The following CASKIN2 variants were observed in gnomAD, a reference collection of about 807,000 sequenced individuals.
CASKIN2 encodes the protein CASK interacting protein 2, also known as caskin-2.
A neutral mutation model predicts 107.1 loss-of-function variants in CASKIN2; 41 were observed. The ratio of observed to expected loss-of-function variants is 0.38; its 90% CI spans 0.30 to 0.50. CASKIN2 has a LOEUF of 0.50. Among genes scored for constraint, CASKIN2 ranks in the 20% least tolerant of loss-of-function variants. CASKIN2 has a pLI of 0.92. For synonymous variants in CASKIN2, 724 were observed against 705.6 expected (o/e 1.03, Z -0.41); for missense variants, 1,546 against 1,657.4 (o/e 0.93, Z 1.17).
chr17:75,505,641 C>T lies in CASKIN2; in HGVS notation c.846G>A (p.Gly282=). The T allele has an allele frequency of 6.2e-7, 1 of 1,613,058 alleles. No individual in the cohort carries two copies. The highest frequency in any genetic ancestry group is 8.5e-7 in the Non-Finnish European group (1 of 1,179,890). ...CCTTGAGCGCTCGGACCTTCAGGAT[C>T]CCTGAGGCCTCTAAGAAAACGGGGT... ...EIKQLLREAS[G]ILKVRALKDF... is the part of the protein sequence containing the mutation. Residue 282 remains glycine (G), a synonymous_variant, in exon 10 of 20, where the codon GGG becomes GGA. Transcript: ENST00000321617. This position sits in a 1 kb window ranked among gnomAD's most constrained non-coding sequence, Gnocchi z 5.1.
intron 2 of CASKIN2, among the ~76,000 whole-genome samples, chr17:75,510,877 G>C (rs1238753422): frequency 6.6e-6 from 1 of 151,878 alleles, no homozygotes; most frequent in Non-Finnish European, 1.5e-5. Context: ...CAGGACTATA[G>C]GTGTGTGCCA....
chr17:75,507,629 AG>A lies in CASKIN2; in HGVS notation c.198del (p.Leu67CysfsTer3). On this transcript the variant is annotated frameshift_variant, in exon 4 of 20. Coordinates refer to ENST00000321617, the MANE Select transcript of CASKIN2 (RefSeq NM_020753.5). LOFTEE classifies it high-confidence loss of function. ...ACAGTGGCCTGAGCCTCTAGCAGCA[AG>A]GCTATGAGCTCCAGGCTGCCCCCCA... The part of the protein sequence containing the change: ...AALGGSLELI[A>X]LLLEAQATVD... The A allele has an allele frequency of 2.5e-6, 4 of 1,613,282 alleles. No individual in the cohort carries two copies. The highest frequency in any genetic ancestry group is 2.5e-6 in the Non-Finnish European group (3 of 1,179,688).
In CASKIN2 at chr17:75,504,642, C is replaced by T; in HGVS notation, c.1244G>A (p.Ser415Asn). 1.9e-6 allele frequency: 3 copies of T among 1,607,492 alleles called. No individual in the cohort carries two copies. The highest frequency in any genetic ancestry group is 2.6e-6 in the Non-Finnish European group (3 of 1,176,416). ...GSEGSVGSIR[S>N]AGSGQSSEGT... ...CTCAGAGCTCTGCCCGCTGCCGGCA[C>T]TGCGGATGCTGCCCACGCTGCCCTC... The change falls in exon 12 of 20, where the codon AGT becomes AAT. Residue 415 changes from serine (S) to asparagine (N), a missense_variant. Transcript: ENST00000321617.
intron 2 of CASKIN2, among the ~76,000 whole-genome samples, chr17:75,508,697 C>G (rs1359471488): frequency 1.3e-5 from 2 of 152,170 alleles, no homozygotes; most frequent in Non-Finnish European, 2.9e-5. Flanking sequence ...ACTAGGTATT[C>G]AAGGGCAGGC....
Position 75,502,586 on chromosome 17 carries a change from T to C in CASKIN2, c.2488A>G (p.Thr830Ala). 1 of 1,595,248 alleles carries C rather than the reference T, an allele frequency of 6.3e-7. No individual in the cohort carries two copies. The highest frequency in any genetic ancestry group is 8.5e-7 in the Non-Finnish European group (1 of 1,170,064). ...GSTLGSYATL[T>A]RRPGRSALVR... is the part of the protein sequence containing the mutation. ...AGGGCACTGCGTCCTGGCCGCCGGG[T>C]AAGGGTAGCATAACTGCCTAGGGTG... Residue 830 changes from threonine (T) to alanine (A), a missense_variant, in exon 18 of 20, where the codon ACC becomes GCC. Physicochemically the swap from Thr to Ala is moderately conservative, Grantham distance 58 (BLOSUM62 0). Coordinates refer to ENST00000321617, the MANE Select transcript of CASKIN2 (RefSeq NM_020753.5). This position sits in a 1 kb window ranked among gnomAD's most constrained non-coding sequence, Gnocchi z 4.3.
chr17:75,511,309 C>A (rs1432807712), intron 2 of CASKIN2, among the ~76,000 whole-genome samples: 1 of 152,048 alleles, frequency 6.6e-6, no homozygotes, highest in Non-Finnish European at 1.5e-5. Context: ...GATCTGCCCA[C>A]CTCGGCCTCC....
chr17:75,513,393 C>T (rs940639366), intron 2 of CASKIN2, among the ~76,000 whole-genome samples: 3 of 152,050 alleles, frequency 2.0e-5, no homozygotes, highest in East Asian at 1.9e-4. Context: ...TCCCGTGAGC[C>T]GAGATCCTGC....
At position 75,503,751 on chromosome 17, in the gene CASKIN2, C is replaced by A. The variant is rs919777132; in HGVS notation, c.1588G>T (p.Ala530Ser). 1 of 1,612,300 alleles carries A rather than the reference C, an allele frequency of 6.2e-7. No individual in the cohort carries two copies. The highest frequency in any genetic ancestry group is 8.5e-7 in the Non-Finnish European group (1 of 1,179,970). ...TGCCCAGGCTTGGTCACCCCGATGG[C>A]CGTCAGGTCCTGCCACACAAAGTCT... ...ISRMTPEDLT[A>S]IGVTKPGHRK... is the part of the protein sequence containing the mutation. The change falls in exon 16 of 20, where the codon GCC becomes TCC. Residue 530 changes from alanine to serine, a missense_variant. Ala to Ser is a moderately conservative substitution (Grantham distance 99). Coordinates refer to ENST00000321617, the MANE Select transcript of CASKIN2 (RefSeq NM_020753.5).
Position 75,506,028 on chromosome 17 carries a change from G to A in CASKIN2, c.727-99C>T, listed in dbSNP as rs1401228392. The A allele has an allele frequency of 2.6e-5, 28 of 1,082,332 alleles. No individual in the cohort carries two copies. The highest frequency in any genetic ancestry group is 2.1e-4 in the Middle Eastern group (1 of 4,874). 67.0% of individuals were successfully genotyped at this position (1,082,332 alleles called of 1,614,324 possible). On this transcript the variant is annotated intron_variant, in intron 8 of 19. Transcript: ENST00000321617. The surrounding 1 kb of genome is among the most constrained non-coding windows in gnomAD (Gnocchi z 4.8). The stretch of plus-strand genomic sequence containing the variant: ...GACATAGGTACTATTACCATTTTCC[G>A]ATTTTACAGATGAGGACATAGAGGC...
Position 75,505,983 on chromosome 17 carries a change from C to T in CASKIN2, c.727-54G>A, listed in dbSNP as rs1038625814. The T allele has an allele frequency of 1.1e-5, 16 of 1,482,816 alleles. No individual in the cohort carries two copies. The African/African-American group carries it at 1.2e-4, about 12-fold the overall frequency. The allele number at this position is 1,482,816 out of a possible 1,614,324, so 91.9% of individuals were successfully genotyped here. A position where few individuals can be genotyped will look rare whatever the true frequency, so the allele number is the denominator to read the frequency against. ...GCTAAGCACTTTGACACCCCTCACC[C>T]GATTCTCTCAGCTACCCGGGACATA... On this transcript the variant is annotated intron_variant, in intron 8 of 19. Coordinates refer to ENST00000321617, the MANE Select transcript of CASKIN2 (RefSeq NM_020753.5). The surrounding 1 kb of genome is among the most constrained non-coding windows in gnomAD (Gnocchi z 5.1).
chr17:75,510,307 C>T (rs2053306010), intron 2 of CASKIN2, among the ~76,000 whole-genome samples: 3 of 152,196 alleles, frequency 2.0e-5, no homozygotes, highest in African/African-American at 7.2e-5. Flanking sequence ...GGGAATTGGC[C>T]TGATATCAAA....
In CASKIN2 at chr17:75,506,364, T is replaced by C. The variant is rs983248281; in HGVS notation, c.667A>G (p.Thr223Ala). ...TACAGTGCGGCCTCGTGGAGCGCCGTACCCGTCTTGGTCTGGCGGTTGATC... is the reference window on the plus strand; with the variant it reads ...TACAGTGCGGCCTCGTGGAGCGCCGCACCCGTCTTGGTCTGGCGGTTGATC... ...IEINRQTKTG[T>A]ALHEAALYGK... is the part of the protein sequence containing the mutation. Residue 223 changes from threonine (T) to alanine (A), a missense_variant, in exon 8 of 20, where the codon ACG becomes GCG. Transcript: ENST00000321617. This position sits in a 1 kb window ranked among gnomAD's most constrained non-coding sequence, Gnocchi z 4.8. 1.2e-6 allele frequency: 2 copies of C among 1,611,714 alleles called. No individual in the cohort carries two copies. Among genetic ancestry groups the C allele is most frequent in the Non-Finnish European group, 1.7e-6 (2 of 1,179,922 alleles).
chr17:75,504,375 A>C (rs2053240948), intron 13 of CASKIN2, 45 bp downstream of exon 13: 1 of 1,599,978 alleles, frequency 6.3e-7, no homozygotes, highest in African/African-American at 1.3e-5. Flanking sequence ...CGGCCTCCTT[A>C]CTTGCACCTC....
At position 75,507,101 on chromosome 17, in the gene CASKIN2, C is replaced by T. The variant is rs1459026313; in HGVS notation, c.273G>A (p.Trp91Ter). 1.2e-6 allele frequency: 2 copies of T among 1,610,612 alleles called. No individual in the cohort carries two copies. Among genetic ancestry groups the T allele is most frequent in the Non-Finnish European group, 1.7e-6 (2 of 1,179,260 alleles). The part of the protein sequence containing the change: ...NGMRPLHYAA[W>*]QGRLEPVRLL... Reference sequence around the variant, plus strand: ...GCCTCACAGGCTCCAGCCGGCCCTGCCAGGCTGCGTAGTGCAGCGGGCGCA... The same window carrying T: ...GCCTCACAGGCTCCAGCCGGCCCTGTCAGGCTGCGTAGTGCAGCGGGCGCA... The change falls in exon 5 of 20, where the codon TGG becomes TGA. Residue 91 changes from tryptophan to a stop codon, truncating the protein, a stop_gained. Coordinates refer to ENST00000321617, the MANE Select transcript of CASKIN2 (RefSeq NM_020753.5). LOFTEE classifies it high-confidence loss of function.
Position 75,502,976 on chromosome 17 carries a change from T to C in CASKIN2, c.2098A>G (p.Ser700Gly), listed in dbSNP as rs1368568978. The change falls in exon 18 of 20, where the codon AGC becomes GGC. Residue 700 changes from serine (S) to glycine (G), a missense_variant. Physicochemically the swap from Ser to Gly is moderately conservative, Grantham distance 56. Around this residue, in one of 6 missense-constraint regions of CASKIN2, gnomAD observed 1,311 missense variants for 1,311.0 expected, o/e 1.00. Transcript: ENST00000321617. This position sits in a 1 kb window ranked among gnomAD's most constrained non-coding sequence, Gnocchi z 4.3. ...GACCCCCGTGAGCGTGCCCCGATGC[T>C]CTCCTGGCTGGGAGAGCGGGCAGGT... ...LPPARSPSQE[S>G]IGARSRGSGH... is the part of the protein sequence containing the mutation. 3.1e-6 allele frequency: 5 copies of C among 1,601,924 alleles called. No individual in the cohort carries two copies. Among genetic ancestry groups the C allele is most frequent in the South Asian group, 1.1e-5 (1 of 90,208 alleles).
chr17:75,501,841 C>T lies in CASKIN2; in HGVS notation c.3233G>A (p.Arg1078Gln), dbSNP rs766946055. 2.5e-5 allele frequency: 39 copies of T among 1,557,004 alleles called. No individual in the cohort carries two copies. Among genetic ancestry groups the T allele is most frequent in the South Asian group, 2.0e-4 (16 of 80,768 alleles). ...GPGLESSAAS[R>Q]WNGETEPPAA... Reference sequence around the variant, plus strand: ...CGGGGGTTCTGTCTCCCCATTCCACCGACTAGCTGCTGAGCTTTCCAGACC... The same window carrying T: ...CGGGGGTTCTGTCTCCCCATTCCACTGACTAGCTGCTGAGCTTTCCAGACC... The change falls in exon 18 of 20, where the codon CGG (arginine) becomes CAG (glutamine). Residue 1078 changes from arginine to glutamine, a missense_variant. This residue lies in a region of CASKIN2 where 1,311 missense variants were observed against 1,311.0 expected (regional missense o/e 1.00). Coordinates refer to ENST00000321617, the MANE Select transcript of CASKIN2 (RefSeq NM_020753.5).
At chr17:75,507,917 G>T in intron 3 of CASKIN2, 1 of 581,818 alleles carries the variant, frequency 1.7e-6, no homozygotes, top group South Asian at 2.2e-5. Flanking sequence ...CCCAGGGGAG[G>T]GGGCCGTGGG....
At position 75,503,194 on chromosome 17, in the gene CASKIN2, A is replaced by G; in HGVS notation, c.1880T>C (p.Leu627Pro). ...KRLAELRRGL[L>P]QGEALSEGGR... Reference sequence around the variant, plus strand: ...GCCTTCGCTGAGGGCCTCCCCCTGCAGCAGGCCCCGCCGAAGCTCCGCCAG... The same window carrying G: ...GCCTTCGCTGAGGGCCTCCCCCTGCGGCAGGCCCCGCCGAAGCTCCGCCAG... Residue 627 changes from leucine (L) to proline (P), a missense_variant, in exon 18 of 20, where the codon CTG becomes CCG. Physicochemically the swap from Leu to Pro is moderately conservative, Grantham distance 98. Coordinates refer to ENST00000321617, the MANE Select transcript of CASKIN2 (RefSeq NM_020753.5). The G allele has an allele frequency of 1.9e-6, 3 of 1,599,046 alleles. No individual in the cohort carries two copies. Among genetic ancestry groups the G allele is most frequent in the Non-Finnish European group, 2.6e-6 (3 of 1,175,368 alleles).
rs1057458055 is a variant in CASKIN2 at position 75,513,882 on chromosome 17, C to G, written c.-78G>C. ...ACGGGTCCAAGCTGGGGCGTCAGGG[C>G]GCCATGCCACAGCCCCTTGGAGGGC... is the stretch of plus-strand genomic sequence containing the variant. On this transcript the variant is annotated 5_prime_UTR_variant, in exon 2 of 20. Transcript: ENST00000321617. The G allele has an allele frequency of 1.5e-6, 2 of 1,339,226 alleles. No individual in the cohort carries two copies. Among genetic ancestry groups the G allele is most frequent in the Non-Finnish European group, 2.1e-6 (2 of 946,472 alleles). 83.0% of individuals were successfully genotyped at this position (1,339,226 alleles called of 1,614,324 possible).
Sources: allele counts gnomAD v4.1 joint callset (sites outside exome capture counted in the v4.1 genomes callset), GRCh38; gene constraint gnomAD v4.1.1; regional missense constraint gnomAD v4.1.1; non-coding constraint Gnocchi (gnomAD v3.1); transcripts MANE v1.5; gene names NCBI Gene and HGNC (gene_info 2026-07-23, HGNC 2026-07-21).